LRBA: variants seen among roughly 807,000 people sequenced by gnomAD.
The protein encoded by LRBA is lipopolysaccharide-responsive and beige-like anchor protein.
A neutral mutation model predicts 330.0 loss-of-function variants in LRBA; 176 were observed. The ratio of observed to expected loss-of-function variants is 0.53; its 90% CI spans 0.47 to 0.60. The LOEUF is 0.60. Ranked by LOEUF, LRBA falls within the 20% of genes least tolerant of loss-of-function variation. LRBA has a pLI of 0.00. For missense variants in LRBA, 3,259 were observed against 3,444.8 expected (o/e 0.95, Z 1.35); for synonymous variants, 1,230 against 1,193.0 (o/e 1.03, Z -0.64).
chr4:150,716,308 G>A (rs559361355), intron 36 of LRBA, among the ~76,000 whole-genome samples: 6 of 152,102 alleles, frequency 3.9e-5, no homozygotes, highest in African/African-American at 7.2e-5. Context: ...CTAGCTGGGC[G>A]TGGTTGTGGG....
intron 37 of LRBA, among the ~76,000 whole-genome samples, chr4:150,645,931 C>A (rs1237273677): frequency 1.5e-5 from 2 of 133,592 alleles, no homozygotes; most frequent in East Asian, 4.8e-4. Context: ...TTAGAAAACC[C>A]ATTACAGAAA....
intron 36 of LRBA, among the ~76,000 whole-genome samples, chr4:150,712,366 A>G (rs998111205): frequency 6.6e-6 from 1 of 152,192 alleles, no homozygotes; most frequent in African/African-American, 2.4e-5. Flanking sequence ...TTTAATGACT[A>G]CAAATTCCCT....
At chr4:150,465,952 A>C (rs189410352) in intron 44 of LRBA, among the ~76,000 whole-genome samples, 16 of 152,128 alleles carry the variant, frequency 1.1e-4, no homozygotes, top group African/African-American at 3.6e-4. Flanking sequence ...ATTATAATAA[A>C]TTATGAAATG....
intron 46 of LRBA, among the ~76,000 whole-genome samples, chr4:150,417,118 C>A (rs917887675): frequency 6.6e-6 from 1 of 151,888 alleles, no homozygotes; most frequent in African/African-American, 2.4e-5. Flanking sequence ...AACTTATATA[C>A]AAAGTGATTT....
At chr4:151,005,936 G>A (rs1744025415) in intron 2 of LRBA, among the ~76,000 whole-genome samples, 1 of 151,946 alleles carries the variant, frequency 6.6e-6, no homozygotes, top group South Asian at 2.1e-4. Context: ...ACAGACTAAA[G>A]TAATTCAAAA....
intron 2 of LRBA, among the ~76,000 whole-genome samples, chr4:150,987,499 AG>A (rs1404527507): frequency 6.6e-6 from 1 of 151,884 alleles, no homozygotes. Flanking sequence ...TCCAGTCAGG[AG>A]CTCGAAAACA....
At chr4:150,596,996 A>G in intron 38 of LRBA, 1 of 654,462 alleles carries the variant, frequency 1.5e-6, no homozygotes, top group South Asian at 2.1e-5. Flanking sequence ...ATTTTTAAAC[A>G]TATATTTCAA....
chr4:150,760,985 G>A (rs972193652), intron 35 of LRBA, among the ~76,000 whole-genome samples: 2 of 152,024 alleles, frequency 1.3e-5, no homozygotes, highest in Non-Finnish European at 2.9e-5. Context: ...AGTTACCAAA[G>A]GACTGATAGG....
At chr4:150,352,911 T>G (rs142911647) in intron 47 of LRBA, among the ~76,000 whole-genome samples, 47 of 152,314 alleles carry the variant, frequency 3.1e-4, no homozygotes, top group Non-Finnish European at 5.3e-4. Context: ...ATGACAAACA[T>G]TAAACCATAC....
At chr4:150,847,490 C>T (rs564385898) in intron 26 of LRBA, among the ~76,000 whole-genome samples, 16 of 152,074 alleles carry the variant, frequency 1.1e-4, no homozygotes, top group Non-Finnish European at 2.1e-4. Flanking sequence ...CACAGGTATA[C>T]ATTAGTTTAT....
chr4:150,467,647 A>C, intron 44 of LRBA, 26 bp downstream of exon 44: 2 of 1,296,234 alleles, frequency 1.5e-6, no homozygotes, highest in Non-Finnish European at 2.2e-6. Context: ...AGACAATTAT[A>C]TTTCACATCA....
chr4:150,982,818 G>C (rs1384740822), intron 2 of LRBA, among the ~76,000 whole-genome samples: 1 of 152,166 alleles, frequency 6.6e-6, no homozygotes, highest in Non-Finnish European at 1.5e-5. Context: ...GAATGTAATG[G>C]AACAAATTTA....
intron 44 of LRBA, among the ~76,000 whole-genome samples, chr4:150,449,915 A>G (rs1045376896): frequency 6.6e-6 from 1 of 152,206 alleles, no homozygotes; most frequent in African/African-American, 2.4e-5. Context: ...AATAAAAAAC[A>G]GCAAGAAGGT....
At chr4:150,421,233 TATAA>T (rs1748746502) in intron 46 of LRBA, among the ~76,000 whole-genome samples, 1 of 135,198 alleles carries the variant, frequency 7.4e-6, no homozygotes, top group Non-Finnish European at 1.6e-5. Flanking sequence ...ACATATATAA[TATAA>T]ATATATACAT....
intron 37 of LRBA, among the ~76,000 whole-genome samples, chr4:150,682,725 T>G (rs1256075353): frequency 6.6e-6 from 1 of 152,118 alleles, no homozygotes; most frequent in Non-Finnish European, 1.5e-5. Context: ...CACTCTTATA[T>G]AATATACAAG....
At chr4:150,969,690 G>A (rs1005939662) in intron 2 of LRBA, among the ~76,000 whole-genome samples, 49 of 152,072 alleles carry the variant, frequency 3.2e-4, no homozygotes, top group Non-Finnish European at 1.5e-4. Flanking sequence ...GGCTAGTCTC[G>A]AACTCCTGGG....
At chr4:150,479,493 C>T (rs1401458147) in intron 42 of LRBA, among the ~76,000 whole-genome samples, 1 of 152,116 alleles carries the variant, frequency 6.6e-6, no homozygotes, top group African/African-American at 2.4e-5. Flanking sequence ...TAAAAATTAT[C>T]TAATCAAAAG....
rs938554081 is a variant in LRBA, at chr4:150,338,997, G to A, written c.7362+10995C>T. ...CACACACACACACACACACACACAA[G>A]TAGTGAACCCAGAGTTCTAGAATTC... On this transcript the variant is annotated intron_variant, in intron 48 of 56. Transcript: ENST00000651943. 6.0e-4 allele frequency among the ~76,000 whole-genome samples: 77 copies of A among 128,962 alleles called. 1 individual carries two copies. Among genetic ancestry groups the A allele is most frequent in the Non-Finnish European group, 9.6e-4 (56 of 58,062 alleles). The allele number at this position is 128,962 out of a possible 152,430, so 84.6% of individuals were successfully genotyped here.
chr4:150,308,705 G>C (rs1323014068), intron 52 of LRBA, among the ~76,000 whole-genome samples: 1 of 152,024 alleles, frequency 6.6e-6, no homozygotes, highest in Non-Finnish European at 1.5e-5. Context: ...TGGAGGCTTA[G>C]CCTAACTTAT....
Sources: gnomAD v4.1 joint callset for allele counts (sites outside exome capture counted in the v4.1 genomes callset) on GRCh38, gnomAD v4.1.1 for gene constraint, MANE v1.5 for transcripts, NCBI Gene and HGNC (gene_info 2026-07-23, HGNC 2026-07-21) for gene names.